Variants in HMCN2 observed in about 807,000 individuals in gnomAD.
The protein encoded by HMCN2 is hemicentin-2.
Under a neutral mutation model 377.5 loss-of-function variants are expected in HMCN2, and 325 were observed. The ratio of observed to expected loss-of-function variants is 0.86; its 90% CI spans 0.79 to 0.94. HMCN2 has a LOEUF of 0.94. HMCN2 is among the 40% of genes least tolerant of loss of function. The pLI is 0.00. For missense variants in HMCN2, 4,543 were observed against 4,725.3 expected (o/e 0.96, Z 1.13); for synonymous variants, 2,007 against 2,046.8 (o/e 0.98, Z 0.53).
At chr9:130,386,663 CTATCTA>C in intron 61 of HMCN2, 139 bp downstream of exon 61, 1 of 379,314 alleles carries the variant, frequency 2.6e-6, no homozygotes, top group South Asian at 2.3e-5. Context: ...ATTTGTGTAC[CTATCTA>C]TATCTACATC....
At chr9:130,328,206 C>T (rs1838248637) in intron 22 of HMCN2, among the ~76,000 whole-genome samples, 1 of 152,244 alleles carries the variant, frequency 6.6e-6, no homozygotes, top group African/African-American at 2.4e-5. Flanking sequence ...CCAATCCTTG[C>T]AGCCGGGCAC....
intron 1 of HMCN2, among the ~76,000 whole-genome samples, chr9:130,277,057 A>G (rs369017306): frequency 5.7e-4 from 87 of 152,340 alleles, no homozygotes; most frequent in African/African-American, 2.0e-3. Flanking sequence ...ACCGGGACAC[A>G]TGAAGCTGGG....
At chr9:130,317,188 G>T (rs967005177) in intron 15 of HMCN2, among the ~76,000 whole-genome samples, 1 of 152,172 alleles carries the variant, frequency 6.6e-6, no homozygotes, top group East Asian at 1.9e-4. Context: ...ACAGACCAGG[G>T]CTCTGATCTT....
At chr9:130,368,644 G>A (rs1840832878) in intron 44 of HMCN2, among the ~76,000 whole-genome samples, 1 of 152,070 alleles carries the variant, frequency 6.6e-6, no homozygotes, top group Non-Finnish European at 1.5e-5. Context: ...AGGCTTAATT[G>A]ACTCACAGTT....
intron 21 of HMCN2, among the ~76,000 whole-genome samples, 158 bp from the exon 22 acceptor site, chr9:130,327,151 TC>T (rs1177331721): frequency 2.0e-5 from 3 of 151,576 alleles, no homozygotes; most frequent in Non-Finnish European, 4.4e-5. Context: ...CAATCTGGAC[TC>T]CCCCCCTTCT....
rs534737671 is a variant in HMCN2, at chr9:130,423,393, C to T, written c.13381+667C>T. Among the ~76,000 whole-genome samples the T allele has an allele frequency of 2.0e-5, 3 of 152,272 alleles. No individual in the cohort carries two copies. The East Asian group carries it at 5.8e-4, about 29-fold the overall frequency. On this transcript the variant is annotated intron_variant, in intron 87 of 97. Transcript: ENST00000683500. This position sits in a 1 kb window ranked among gnomAD's most constrained non-coding sequence, Gnocchi z 5.5. ...CTGAAGCTGCCCTTGGCCATGGTCCCGCATGAGCAGTGTGGGGTCAGGGGA... is the reference window on the plus strand; with the variant it reads ...CTGAAGCTGCCCTTGGCCATGGTCCTGCATGAGCAGTGTGGGGTCAGGGGA...
intron 90 of HMCN2, among the ~76,000 whole-genome samples, chr9:130,426,667 A>G (rs1381374472): frequency 1.3e-5 from 2 of 152,080 alleles, no homozygotes; most frequent in Non-Finnish European, 2.9e-5. Context: ...TGTCCAACCC[A>G]TGGCCCACAG....
rs186166177 is a variant in HMCN2, at chr9:130,404,009, C to G, written c.12148+134C>G. The G allele has an allele frequency of 6.2e-5, 48 of 768,712 alleles. No individual in the cohort carries two copies. In the South Asian group the frequency reaches 8.1e-4, roughly 13 times the overall value. The allele number at this position is 768,712 out of a possible 1,614,324, so 47.6% of individuals were successfully genotyped here. A position where few individuals can be genotyped will look rare whatever the true frequency, so the allele number is the denominator to read the frequency against. ...AAGGAATTAAGGGGAAAACATCTCT[C>G]ATTGTGCGCCTGAGTTCTGGTTTCA... On this transcript the variant is annotated intron_variant, in intron 80 of 97. Transcript: ENST00000683500.
chr9:130,274,245 G>A (rs1033428527), intron 1 of HMCN2, among the ~76,000 whole-genome samples: 3 of 151,860 alleles, frequency 2.0e-5, no homozygotes, highest in Non-Finnish European at 4.4e-5. Context: ...GTAGAGACAG[G>A]GTTTCACTAT....
At chr9:130,333,476 G>A (rs887236560) in intron 22 of HMCN2, among the ~76,000 whole-genome samples, 58 of 152,168 alleles carry the variant, frequency 3.8e-4, no homozygotes, top group Non-Finnish European at 6.8e-4. Context: ...ATCTGCGTGC[G>A]CCTCACTGCA....
intron 15 of HMCN2, among the ~76,000 whole-genome samples, chr9:130,312,544 CTTTCTTTCT>C (rs1837311544): frequency 2.1e-4 from 2 of 9,642 alleles, no homozygotes; most frequent in African/African-American, 7.3e-4. Flanking sequence ...TCCCTCCTTT[CTTTCTTTCT>C]TTCTTTCTTT....
In HMCN2 at chr9:130,389,598, G is replaced by A. The variant is rs7871149; in HGVS notation, c.9523+1058G>A. 5.5e-3 allele frequency among the ~76,000 whole-genome samples: 828 copies of A among 150,076 alleles called. 7 individuals are homozygous for A. Among genetic ancestry groups the A allele is most frequent in the African/African-American group, 0.019 (785 of 40,800 alleles). ...TCATTCTTTTTTTTTTTTTTGAGAC[G>A]GGGTCTCGCTCTGTTACCCAGGCTG... is the stretch of plus-strand genomic sequence containing the variant. On this transcript the variant is annotated intron_variant, in intron 62 of 97. Transcript: ENST00000683500.
At chr9:130,292,990 CTATCTAT>C (rs1554930562) in intron 4 of HMCN2, among the ~76,000 whole-genome samples, 8 of 145,986 alleles carry the variant, frequency 5.5e-5, no homozygotes, top group African/African-American at 1.9e-4. Flanking sequence ...ATCTATCTAT[CTATCTAT>C]CTACCTACCT....
At chr9:130,425,995 G>A in intron 90 of HMCN2, 71 bp downstream of exon 90, 1 of 1,169,408 alleles carries the variant, frequency 8.6e-7, no homozygotes, top group Non-Finnish European at 1.2e-6. Context: ...AAATGCACGT[G>A]GCTGGAATCC....
chr9:130,418,690 C>G (rs1843821782), intron 85 of HMCN2, 82 bp from the exon 86 acceptor site: 1 of 1,191,196 alleles, frequency 8.4e-7, no homozygotes, highest in East Asian at 2.8e-5. Flanking sequence ...TCTGGATTTC[C>G]CAGTGTGTCT....
At chr9:130,345,259 G>C in intron 25 of HMCN2, among the ~76,000 whole-genome samples, 1 of 142,946 alleles carries the variant, frequency 7.0e-6, no homozygotes, top group Admixed American at 6.9e-5. Flanking sequence ...GTATGTGTAT[G>C]GTGTGTGGTG....
In HMCN2 at chr9:130,396,079, G is replaced by GCCCCCCCCC; in HGVS notation, c.11053+18_11053+19insCCCCCCCCC. 2.1e-6 allele frequency: 1 copy of GCCCCCCCCC among 482,752 alleles called. No homozygotes were observed. Among genetic ancestry groups the GCCCCCCCCC allele is most frequent in the Non-Finnish European group, 2.7e-6 (1 of 375,526 alleles). The allele number at this position is 482,752 out of a possible 1,614,324, so 29.9% of individuals were successfully genotyped here. A position where few individuals can be genotyped will look rare whatever the true frequency, so the allele number is the denominator to read the frequency against. On this transcript the variant is annotated intron_variant, in intron 72 of 97. Transcript: ENST00000683500. ...TGGAGATCCACAGTGAGTAGGGCCC[G>GCCCCCCCCC]CCCCACCCCACCCTGCCCACCTTAC...
Position 130,377,819 on chromosome 9 carries a change from CA to C in HMCN2, c.8212+21del. 2.0e-6 allele frequency: 2 copies of C among 985,954 alleles called. No homozygotes were observed. Among genetic ancestry groups the C allele is most frequent in the Non-Finnish European group, 2.4e-6 (2 of 829,984 alleles). The allele number at this position is 985,954 out of a possible 1,614,324, so 61.1% of individuals were successfully genotyped here. ...TCCAGGGTGCGTGGCGCCAGTGGGC[CA>C]GGGGTGGGGCGTCAGCCAGTGTGAG... On this transcript the variant is annotated intron_variant, in intron 53 of 97. Transcript: ENST00000683500.
At chr9:130,390,595 A>AGCCC (rs1452696821) in intron 62 of HMCN2, among the ~76,000 whole-genome samples, 3 of 152,216 alleles carry the variant, frequency 2.0e-5, no homozygotes, top group Non-Finnish European at 2.9e-5. Context: ...CCCAGGGGGA[A>AGCCC]GCCCCAGTGT....
Sources: allele counts gnomAD v4.1 joint callset (sites outside exome capture counted in the v4.1 genomes callset), GRCh38; gene constraint gnomAD v4.1.1; non-coding constraint Gnocchi (gnomAD v3.1); transcripts MANE v1.5; gene names NCBI Gene and HGNC (gene_info 2026-07-23, HGNC 2026-07-21).